The following SCN1A variants were observed in gnomAD, a reference collection of about 807,000 sequenced individuals.
SCN1A encodes the protein sodium channel protein type 1 subunit alpha.
A neutral mutation model predicts 193.7 loss-of-function variants in SCN1A; 13 were observed. The ratio of observed to expected loss-of-function variants is 0.07; its 90% CI spans 0.04 to 0.11. The LOEUF (loss-of-function observed/expected upper bound fraction) is 0.11. Ranked by LOEUF, SCN1A falls within the 10% of genes least tolerant of loss-of-function variation. The pLI is 1.00. For missense variants in SCN1A, 1,432 were observed against 2,451.1 expected, an observed-to-expected ratio of 0.58 and a Z score of 8.78; for synonymous variants, 781 against 843.6, an observed-to-expected ratio of 0.93 and a Z score of 1.29.
intron 23 of SCN1A, among the ~76,000 whole-genome samples, chr2:166,006,840 G>A (rs1346290270): frequency 6.6e-6 from 1 of 151,122 alleles, no homozygotes; most frequent in Non-Finnish European, 1.5e-5. Context: ...GTACTAAACA[G>A]CAGGGGCTGT....
At chr2:166,047,585 A>G (rs778124847) in intron 11 of SCN1A, 42 bp downstream of exon 11, 3 of 1,607,198 alleles carry the variant, frequency 1.9e-6, no homozygotes, top group South Asian at 2.2e-5. Context: ...GTTTTCTTGT[A>G]TACTTTTACT....
intron 1 of SCN1A, among the ~76,000 whole-genome samples, chr2:166,146,380 A>G (rs1479102713): frequency 2.0e-5 from 3 of 150,536 alleles, no homozygotes; most frequent in Non-Finnish European, 2.9e-5. Context: ...AAAAGGATAA[A>G]TGATATATTT....
intron 19 of SCN1A, among the ~76,000 whole-genome samples, chr2:166,025,585 A>G (rs919897898): frequency 8.5e-5 from 13 of 152,146 alleles, no homozygotes; most frequent in African/African-American, 1.7e-4. Flanking sequence ...ACAGGTTCCA[A>G]CCACACTCAT....
chr2:165,999,527 ATAAT>A (rs956429666), intron 25 of SCN1A, among the ~76,000 whole-genome samples, 192 bp downstream of exon 25: 9 of 151,688 alleles, frequency 5.9e-5, no homozygotes, highest in African/African-American at 2.2e-4. Context: ...GGTTTTCAAA[ATAAT>A]TCATGTGTTG....
At chr2:166,062,929 G>T (rs1033849841) in intron 4 of SCN1A, among the ~76,000 whole-genome samples, 1 of 151,980 alleles carries the variant, frequency 6.6e-6, no homozygotes, top group South Asian at 2.1e-4. Context: ...GAATAAAAAA[G>T]AAACAGTTCA....
chr2:166,107,111 A>G (rs186150723), intron 2 of SCN1A, among the ~76,000 whole-genome samples: 4 of 152,184 alleles, frequency 2.6e-5, no homozygotes, highest in Non-Finnish European at 5.9e-5. Context: ...ACCAACATGG[A>G]ACCAAATTTG....
chr2:166,139,972 GAAT>G lies in SCN1A; in HGVS notation c.-50+9072_-50+9074del, dbSNP rs551742796. On this transcript the variant is annotated intron_variant, in intron 1 of 26. Coordinates refer to the SCN1A transcript ENST00000635750. Reference sequence around the variant, plus strand: ...TAGATAAATTCTAAGAATAATTTTAGAATAATAATAATTGTTGTTAATTTTATT... The same window carrying G: ...TAGATAAATTCTAAGAATAATTTTAGAATAATAATTGTTGTTAATTTTATT... Among the ~76,000 whole-genome samples, 8 of 151,840 alleles carry G rather than the reference GAAT, an allele frequency of 5.3e-5. No homozygotes were observed. In the South Asian group the frequency reaches 1.7e-3, roughly 32 times the overall value.
At chr2:166,120,498 A>G (rs2106243121) in intron 2 of SCN1A, among the ~76,000 whole-genome samples, 1 of 151,432 alleles carries the variant, frequency 6.6e-6, no homozygotes, top group Non-Finnish European at 1.5e-5. Context: ...GTTTAATGGT[A>G]CTATAATATT....
chr2:166,102,524 G>GAA lies in SCN1A; in HGVS notation c.-142+24398_-142+24399dup, dbSNP rs200466227. Among the ~76,000 whole-genome samples, 4 of 118,462 alleles carry GAA rather than the reference G, an allele frequency of 3.4e-5. No homozygotes were observed. The East Asian group carries it at 8.4e-4, about 25-fold the overall frequency. 77.7% of individuals were successfully genotyped at this position (118,462 alleles called of 152,430 possible). A position where few individuals can be genotyped will look rare whatever the true frequency, so the allele number is the denominator to read the frequency against. On this transcript the variant is annotated intron_variant, in intron 2 of 28. Transcript: ENST00000674923. ...TCAAAAAAAAAAAAAAGAAAAAAAA[G>GAA]AAAAAAAAAAAGTCAGAAAATAACA...
intron 15 of SCN1A, 120 bp from the exon 16 acceptor site, chr2:166,041,589 T>A: frequency 1.4e-6 from 1 of 730,136 alleles, no homozygotes; most frequent in Non-Finnish European, 2.3e-6. Context: ...AGAGACAACC[T>A]TTTTTGTACT....
chr2:166,043,325 A>G (rs372014200), intron 14 of SCN1A, among the ~76,000 whole-genome samples: 2 of 152,210 alleles, frequency 1.3e-5, no homozygotes, highest in South Asian at 4.1e-4. Flanking sequence ...TACCCTTGAC[A>G]CTTAAACATA....
At chr2:166,032,363 C>A (rs1695760993) in intron 19 of SCN1A, among the ~76,000 whole-genome samples, 1 of 151,772 alleles carries the variant, frequency 6.6e-6, no homozygotes, top group African/African-American at 2.4e-5. Flanking sequence ...CAAAAAGAAC[C>A]AAAATGATGA....
chr2:166,037,328 T>C (rs1020862391), intron 18 of SCN1A, among the ~76,000 whole-genome samples: 6 of 152,208 alleles, frequency 3.9e-5, no homozygotes, highest in African/African-American at 1.4e-4. Flanking sequence ...TTATGAACTC[T>C]TAAAGACACC....
intron 6 of SCN1A, 127 bp from the exon 7 acceptor site, chr2:166,054,893 T>C (rs2105903351): frequency 1.2e-6 from 1 of 834,338 alleles, no homozygotes; most frequent in African/African-American, 1.7e-5. Context: ...GGATTTTAAT[T>C]TCATACAAAT....
chr2:166,063,723 A>G (rs949934263), intron 4 of SCN1A, among the ~76,000 whole-genome samples: 1 of 152,106 alleles, frequency 6.6e-6, no homozygotes. Context: ...AAAGAAAAAC[A>G]AAGCAGGTGA....
In SCN1A at chr2:166,051,725, C is replaced by T. The variant is rs777317949; in HGVS notation, c.958G>A (p.Asp320Asn). 8 of 1,598,278 alleles carry T rather than the reference C, an allele frequency of 5.0e-6. No homozygotes were observed. Among genetic ancestry groups the T allele is most frequent in the Non-Finnish European group, 6.0e-6 (7 of 1,167,186 alleles). ...FEFDWKSYIQ[D>N]SRYHYFLEGF... Reference sequence around the variant, plus strand: ...ACATAACAATAATTCTTACTTGAATCTTGAATATATGACTTCCAGTCAAAC... The same window carrying T: ...ACATAACAATAATTCTTACTTGAATTTTGAATATATGACTTCCAGTCAAAC... The change falls in exon 9 of 29, where the codon GAT becomes AAT. Residue 320 changes from aspartate (D) to asparagine (N), a missense_variant. Asp to Asn is a conservative substitution (Grantham distance 23). Transcript: ENST00000674923.
chr2:166,046,439 T>A (rs565902328), intron 12 of SCN1A, among the ~76,000 whole-genome samples: 8 of 152,298 alleles, frequency 5.3e-5, no homozygotes, highest in Admixed American at 3.3e-4. Context: ...ACCAATAATT[T>A]CTTGTTCTAA....
intron 2 of SCN1A, among the ~76,000 whole-genome samples, chr2:166,116,593 G>A (rs534066198): frequency 0.063 from 183 of 2,914 alleles, no homozygotes; most frequent in African/African-American, 0.088. Flanking sequence ...CAGATTCAGT[G>A]TCCCAGAATC....
chr2:166,047,542 T>C, intron 11 of SCN1A, 85 bp downstream of exon 11: 1 of 1,467,146 alleles, frequency 6.8e-7, no homozygotes, highest in South Asian at 1.1e-5. Context: ...TTCTACTATA[T>C]TATCATCCGG....
Sources: allele counts gnomAD v4.1 joint callset (sites outside exome capture counted in the v4.1 genomes callset), GRCh38; gene constraint gnomAD v4.1.1; transcripts MANE v1.5; gene names NCBI Gene and HGNC (gene_info 2026-07-23, HGNC 2026-07-21).